Variants in ZFAT observed in about 807,000 individuals in gnomAD.
ZFAT encodes the protein zinc finger and AT-hook domain containing.
Under a neutral mutation model 117.7 loss-of-function variants are expected in ZFAT, and 64 were observed. That is an observed-to-expected ratio of 0.54 (90% CI 0.44 to 0.67). ZFAT has a LOEUF of 0.67. ZFAT is among the 30% of genes least tolerant of loss of function. The probability of loss-of-function intolerance (pLI) is 0.00; values close to 1 mark genes in which losing one functional copy is unlikely to be tolerated. For missense variants in ZFAT, 1,433 were observed against 1,584.5 expected (o/e 0.90, Z 1.62); for synonymous variants, 679 against 615.0 (o/e 1.10, Z -1.54).
chr8:134,677,688 C>T (rs946643332), intron 1 of ZFAT, among the ~76,000 whole-genome samples: 3 of 152,070 alleles, frequency 2.0e-5, no homozygotes, highest in South Asian at 2.1e-4. Flanking sequence ...AACATCAATA[C>T]GAAAATTCTC....
chr8:134,819,899 C>T, the ZFAT span, among the ~76,000 whole-genome samples: 3 of 152,240 alleles, frequency 2.0e-5, no homozygotes, highest in Non-Finnish European at 4.4e-5. Flanking sequence ...TTTGGAATCC[C>T]AGCCAAGGTT....
chr8:134,771,214 C>T, the ZFAT span, among the ~76,000 whole-genome samples: 1 of 152,210 alleles, frequency 6.6e-6, no homozygotes, highest in Non-Finnish European at 1.5e-5. Context: ...GATGTCTCCC[C>T]CGGATGCCCA....
At chr8:134,794,773 T>TA in the ZFAT span, 1 of 152,242 alleles carries the variant, frequency 6.6e-6, no homozygotes, top group Non-Finnish European at 1.5e-5. Flanking sequence ...TTAATTAACT[T>TA]AAAGATTCAA....
intron 3 of ZFAT, among the ~76,000 whole-genome samples, chr8:134,633,874 A>G (rs1774439662): frequency 6.6e-6 from 1 of 152,180 alleles, no homozygotes; most frequent in Non-Finnish European, 1.5e-5. Context: ...GTGAAACTCC[A>G]TCTCTACTAA....
chr8:134,785,191 A>G, the ZFAT span: 1 of 152,022 alleles, frequency 6.6e-6, no homozygotes, highest in Non-Finnish European at 1.5e-5. Context: ...CTGTTAATTG[A>G]CCTTTTGGTT....
At chr8:134,584,592 G>A (rs1412106579) in intron 9 of ZFAT, among the ~76,000 whole-genome samples, 1 of 152,222 alleles carries the variant, frequency 6.6e-6, no homozygotes, top group East Asian at 1.9e-4. Flanking sequence ...TTGATGGGCT[G>A]TTGACTCTGA....
At chr8:134,654,249 C>G (rs1019402142) in intron 2 of ZFAT, among the ~76,000 whole-genome samples, 3 of 151,952 alleles carry the variant, frequency 2.0e-5, no homozygotes, top group Non-Finnish European at 4.4e-5. Flanking sequence ...GAGCCAAGAT[C>G]ACGCCATTGC....
chr8:134,778,835 T>G, the ZFAT span, among the ~76,000 whole-genome samples: 2 of 151,930 alleles, frequency 1.3e-5, no homozygotes, highest in East Asian at 3.9e-4. Flanking sequence ...CAGGACATGG[T>G]GGGGAAGTAA....
the ZFAT span, among the ~76,000 whole-genome samples, chr8:134,825,351 T>C: frequency 6.6e-6 from 1 of 152,226 alleles, no homozygotes; most frequent in Admixed American, 6.5e-5. Flanking sequence ...TCTCTTTACC[T>C]TTACCCCCTT....
At chr8:134,636,510 G>C (rs991517283) in intron 3 of ZFAT, among the ~76,000 whole-genome samples, 14 of 152,166 alleles carry the variant, frequency 9.2e-5, no homozygotes, top group Non-Finnish European at 2.1e-4. Context: ...TACGGATGAG[G>C]AAACTGAGGC....
chr8:134,541,127 C>T (rs1196340421), intron 11 of ZFAT, among the ~76,000 whole-genome samples: 1 of 152,098 alleles, frequency 6.6e-6, no homozygotes, highest in Admixed American at 6.5e-5. Flanking sequence ...TTGGAGATAG[C>T]CATGCATATA....
At chr8:134,584,059 T>C (rs1343033329) in intron 9 of ZFAT, 54 bp from the exon 10 acceptor site, 1 of 1,491,480 alleles carries the variant, frequency 6.7e-7, no homozygotes, top group Non-Finnish European at 9.1e-7. Flanking sequence ...TTTATGCATA[T>C]GTGTGAATCT....
At chr8:134,746,207 C>T in the ZFAT span, among the ~76,000 whole-genome samples, 11 of 152,230 alleles carry the variant, frequency 7.2e-5, no homozygotes, top group African/African-American at 4.8e-5. Flanking sequence ...TGTTTAACAG[C>T]AGCTCTCATG....
chr8:134,611,289 A>C (rs1343490997), intron 3 of ZFAT, among the ~76,000 whole-genome samples: 1 of 152,274 alleles, frequency 6.6e-6, no homozygotes, highest in African/African-American at 2.4e-5. Flanking sequence ...TGTGCGAAGC[A>C]ATGGTCAGGA....
At chr8:134,824,830 C>T in the ZFAT span, among the ~76,000 whole-genome samples, 4 of 152,180 alleles carry the variant, frequency 2.6e-5, no homozygotes, top group African/African-American at 9.6e-5. Context: ...TAAATGAACA[C>T]ATTTTCTAAC....
intron 10 of ZFAT, among the ~76,000 whole-genome samples, chr8:134,574,468 T>C (rs941654418): frequency 4.0e-5 from 6 of 151,800 alleles, no homozygotes; most frequent in African/African-American, 1.2e-4. Context: ...GCTTGGTGAC[T>C]TTCCCTGAGG....
At chr8:134,703,346 G>T (rs1282132976) in intron 1 of ZFAT, among the ~76,000 whole-genome samples, 2 of 152,072 alleles carry the variant, frequency 1.3e-5, no homozygotes. Context: ...AATTAGTTTT[G>T]TCTGCCTTAC....
chr8:134,699,104 A>G (rs1833946611), intron 1 of ZFAT, among the ~76,000 whole-genome samples: 1 of 152,110 alleles, frequency 6.6e-6, no homozygotes, highest in Non-Finnish European at 1.5e-5. Context: ...CCTAAAGTCC[A>G]ATGATCTTAA....
chr8:134,639,047 C>T (rs930673729), intron 2 of ZFAT, among the ~76,000 whole-genome samples: 2 of 152,198 alleles, frequency 1.3e-5, no homozygotes, highest in African/African-American at 2.4e-5. Flanking sequence ...AAAGCTGTTG[C>T]TCTGCACAGT....
Sources: allele counts gnomAD v4.1 joint callset (sites outside exome capture counted in the v4.1 genomes callset), GRCh38; gene constraint gnomAD v4.1.1; transcripts MANE v1.5; gene names NCBI Gene and HGNC (gene_info 2026-07-23, HGNC 2026-07-21).